Variants in NAALADL2 observed in about 807,000 individuals in gnomAD.
NAALADL2 encodes inactive N-acetylated-alpha-linked acidic dipeptidase-like protein 2.
A neutral mutation model predicts 87.2 loss-of-function variants in NAALADL2; 76 were observed. That is an observed-to-expected ratio of 0.87 (90% confidence interval 0.72 to 1.05). The LOEUF is 1.05. Among genes scored for constraint, NAALADL2 ranks in the 50% least tolerant of loss-of-function variants. The pLI is 0.00. For missense variants in NAALADL2, 1,089 were observed against 945.8 expected (o/e 1.15, Z -1.99); for synonymous variants, 354 against 331.0 (o/e 1.07, Z -0.75).
At chr3:174,658,297 C>T (rs551578) in intron 2 of NAALADL2, among the ~76,000 whole-genome samples, 123,813 of 152,096 alleles carry the variant, frequency 0.81, 50,619 homozygotes, top group East Asian at 0.91. Flanking sequence ...GCCAGTGTTA[C>T]GCATTTTCAT....
intron 2 of NAALADL2, among the ~76,000 whole-genome samples, chr3:175,218,928 C>T (rs928513181): frequency 1.3e-5 from 2 of 151,994 alleles, no homozygotes; most frequent in African/African-American, 4.8e-5. Flanking sequence ...GCCTCAGCCT[C>T]CCAAGTAACT....
At chr3:174,906,367 C>A (rs538936823) in intron 1 of NAALADL2, among the ~76,000 whole-genome samples, 2 of 152,212 alleles carry the variant, frequency 1.3e-5, no homozygotes, top group South Asian at 4.1e-4. Flanking sequence ...AGTTGGATTA[C>A]TACTTGCCTC....
At chr3:174,797,316 T>C (rs1437712025) in intron 3 of NAALADL2, among the ~76,000 whole-genome samples, 1 of 128,650 alleles carries the variant, frequency 7.8e-6, no homozygotes, top group Admixed American at 7.6e-5. Context: ...TTTTTTTTTT[T>C]TTTTTTTTTT....
At chr3:174,664,008 C>T (rs556619303) in intron 2 of NAALADL2, among the ~76,000 whole-genome samples, 3 of 152,008 alleles carry the variant, frequency 2.0e-5, no homozygotes, top group East Asian at 1.9e-4. Context: ...AGGCTGGTCT[C>T]GAACTCCTGA....
chr3:174,898,143 A>G (rs34178836), intron 1 of NAALADL2, among the ~76,000 whole-genome samples: 1 of 144,842 alleles, frequency 6.9e-6, no homozygotes, highest in Non-Finnish European at 1.5e-5. Flanking sequence ...AAAAAAAAAA[A>G]GAAAAAAAGA....
At chr3:175,801,148 T>C (rs771881833) in intron 13 of NAALADL2, among the ~76,000 whole-genome samples, 3 of 152,172 alleles carry the variant, frequency 2.0e-5, no homozygotes, top group Non-Finnish European at 4.4e-5. Flanking sequence ...ATTCCATCTT[T>C]TCAAACTCAG....
At chr3:174,475,826 T>C (rs1462897774) in intron 1 of NAALADL2, among the ~76,000 whole-genome samples, 1 of 151,936 alleles carries the variant, frequency 6.6e-6, no homozygotes, top group Non-Finnish European at 1.5e-5. Context: ...CTAGAATGTA[T>C]TGGGCCTTGT....
intron 2 of NAALADL2, among the ~76,000 whole-genome samples, chr3:174,620,751 G>T (rs1160388220): frequency 6.6e-6 from 1 of 151,932 alleles, no homozygotes; most frequent in South Asian, 2.1e-4. Context: ...ATATTCAGTT[G>T]GGTGCACATA....
At chr3:175,575,690 C>T (rs62285571) in intron 9 of NAALADL2, among the ~76,000 whole-genome samples, 19,275 of 152,154 alleles carry the variant, frequency 0.13, 1,376 homozygotes, top group Middle Eastern at 0.17. Flanking sequence ...AATGCTACAC[C>T]TTTTTAGAGA....
chr3:174,729,531 G>C (rs1350613781), intron 2 of NAALADL2, among the ~76,000 whole-genome samples: 1 of 151,810 alleles, frequency 6.6e-6, no homozygotes, highest in Non-Finnish European at 1.5e-5. Context: ...CAGAGGATGG[G>C]TATTTATTAT....
intron 1 of NAALADL2, among the ~76,000 whole-genome samples, chr3:174,997,170 T>C (rs185191441): frequency 2.0e-3 from 299 of 152,122 alleles, no homozygotes; most frequent in Non-Finnish European, 3.1e-3. Context: ...TTTCATATAA[T>C]GACTTTTTTT....
intron 3 of NAALADL2, among the ~76,000 whole-genome samples, chr3:174,850,673 A>G (rs1314118682): frequency 6.6e-6 from 1 of 152,138 alleles, no homozygotes; most frequent in African/African-American, 2.4e-5. Flanking sequence ...ATAGCTGTGG[A>G]CTTCAACACA....
intron 2 of NAALADL2, among the ~76,000 whole-genome samples, chr3:175,156,576 G>T: frequency 6.6e-6 from 1 of 151,312 alleles, no homozygotes; most frequent in East Asian, 2.0e-4. Context: ...CTATATTTTT[G>T]TTATTTTAAA....
chr3:175,018,958 T>G (rs1026178754), intron 1 of NAALADL2, among the ~76,000 whole-genome samples: 1 of 152,056 alleles, frequency 6.6e-6, no homozygotes, highest in Non-Finnish European at 1.5e-5. Flanking sequence ...AGCATGTAAC[T>G]TTTTTGCCAT....
intron 3 of NAALADL2, among the ~76,000 whole-genome samples, chr3:174,792,933 T>C (rs2109210196): frequency 6.6e-6 from 1 of 152,258 alleles, no homozygotes; most frequent in East Asian, 1.9e-4. Flanking sequence ...GGCAGTATAC[T>C]TTTTTTCTTT....
At chr3:175,026,505 A>AAAT (rs1553919627) in intron 1 of NAALADL2, among the ~76,000 whole-genome samples, 4 of 149,932 alleles carry the variant, frequency 2.7e-5, no homozygotes, top group Admixed American at 1.3e-4. Flanking sequence ...AAAAAAAAAA[A>AAAT]TTAGCCATAC....
intron 1 of NAALADL2, among the ~76,000 whole-genome samples, chr3:175,047,592 A>T (rs1026069223): frequency 1.3e-5 from 2 of 152,176 alleles, no homozygotes; most frequent in African/African-American, 4.8e-5. Context: ...AATAAGACAA[A>T]TATAACACAA....
chr3:175,145,683 A>ATT lies in NAALADL2; in HGVS notation c.545+48400_545+48401dup, dbSNP rs35760253. Among the ~76,000 whole-genome samples the ATT allele has an allele frequency of 1.8e-3, 265 of 150,982 alleles. 1 individual carries two copies. The Middle Eastern group carries it at 0.041, about 24-fold the overall frequency. ...TATTACTGTCTTGATACTTCTGTGT[A>ATT]TTTTTTTTTACCTGAATTATTGCTA... On this transcript the variant is annotated intron_variant, in intron 2 of 13. Coordinates refer to ENST00000454872, the MANE Select transcript of NAALADL2 (RefSeq NM_207015.3).
At chr3:175,509,013 G>A (rs575108968) in intron 9 of NAALADL2, among the ~76,000 whole-genome samples, 1 of 152,120 alleles carries the variant, frequency 6.6e-6, no homozygotes, top group East Asian at 1.9e-4. Context: ...CTACTCAGGA[G>A]GCTGAAGCAG....
Sources: gnomAD v4.1 joint callset for allele counts (sites outside exome capture counted in the v4.1 genomes callset) on GRCh38, gnomAD v4.1.1 for gene constraint, MANE v1.5 for transcripts, NCBI Gene and HGNC (gene_info 2026-07-23, HGNC 2026-07-21) for gene names.